TAFA4: variants seen among roughly 807,000 people sequenced by gnomAD.
TAFA4 encodes TAFA chemokine like family member 4.
Under a neutral mutation model 21.1 loss-of-function variants are expected in TAFA4, and 20 were observed. The observed-to-expected ratio is 0.95, with a 90% CI of 0.67 to 1.38. The LOEUF is 1.38. Ranked by LOEUF, TAFA4 falls within the 40% of genes most tolerant of loss-of-function variation. TAFA4 has a pLI of 0.00. For synonymous variants in TAFA4, 71 were observed against 67.4 expected (o/e 1.05, Z -0.26); for missense variants, 211 against 180.9 (o/e 1.17, Z -0.95).
chr3:68,903,863 CA>C (rs2089869706), intron 1 of TAFA4, among the ~76,000 whole-genome samples: 1 of 152,114 alleles, frequency 6.6e-6, no homozygotes, highest in African/African-American at 2.4e-5. Context: ...TCAGAGGTGA[CA>C]AAACTATACC....
intron 3 of TAFA4, among the ~76,000 whole-genome samples, chr3:68,845,900 T>G (rs11718866): frequency 0.32 from 48,548 of 152,104 alleles, 8,136 homozygotes; most frequent in Non-Finnish European, 0.37. Context: ...AGTCTGATGG[T>G]CTTCCCTTTG....
intron 3 of TAFA4, among the ~76,000 whole-genome samples, chr3:68,799,764 C>T (rs1703534950): frequency 1.3e-5 from 1 of 78,378 alleles, no homozygotes; most frequent in Admixed American, 1.3e-4. Flanking sequence ...GTGTCTCCAA[C>T]CCCTGGGCCA....
intron 1 of TAFA4, among the ~76,000 whole-genome samples, chr3:68,921,778 G>A (rs1414405221): frequency 1.3e-5 from 2 of 152,218 alleles, no homozygotes; most frequent in Non-Finnish European, 2.9e-5. Flanking sequence ...TATGGAAATT[G>A]AAGCCTTGTT....
rs547066747 is a variant in TAFA4 at position 68,731,843 on chromosome 3, C to T, written c.*1299G>A. The T allele has an allele frequency of 6.6e-6, 1 of 151,300 alleles. No homozygotes were observed. The highest frequency in any genetic ancestry group is 2.1e-4 in the South Asian group (1 of 4,750). The allele number at this position is 151,300 out of a possible 1,614,324, so 9.4% of individuals were successfully genotyped here. On this transcript the variant is annotated 3_prime_UTR_variant, in exon 6 of 6. Transcript: ENST00000295569. ...TCAAAAATTACGCCAACAAATCTTT[C>T]CATTCCTTTCCATTCCCTCTGCAAG...
At chr3:68,811,059 C>A (rs1364382969) in intron 3 of TAFA4, among the ~76,000 whole-genome samples, 1 of 152,192 alleles carries the variant, frequency 6.6e-6, no homozygotes, top group Non-Finnish European at 1.5e-5. Context: ...CCCAGGCAAA[C>A]AGGGTCTGGA....
chr3:68,904,501 G>A (rs1308115881), intron 1 of TAFA4, among the ~76,000 whole-genome samples: 3 of 152,210 alleles, frequency 2.0e-5, no homozygotes, highest in Admixed American at 6.5e-5. Context: ...GTTCATAAAA[G>A]TTTCCCAATT....
Position 68,922,418 on chromosome 3 carries a change from T to C in TAFA4, c.-123+9822A>G, listed in dbSNP as rs73835369. Among the ~76,000 whole-genome samples the C allele has an allele frequency of 3.9e-5, 6 of 152,252 alleles. No homozygotes were observed. The South Asian group carries it at 6.2e-4, about 16-fold the overall frequency. On this transcript the variant is annotated intron_variant, in intron 1 of 5. Transcript: ENST00000295569. ...CCGGTATACCAAACAAGATCGATCA[T>C]GTAAAATCAATTTTTAAAATCCAAC...
intron 3 of TAFA4, among the ~76,000 whole-genome samples, chr3:68,766,513 ATTC>A (rs1490641305): frequency 6.6e-6 from 1 of 151,828 alleles, no homozygotes; most frequent in African/African-American, 2.4e-5. Context: ...ATACAAAAGC[ATTC>A]TTAAATTTTT....
intron 1 of TAFA4, among the ~76,000 whole-genome samples, chr3:68,925,284 A>C (rs2090097452): frequency 6.6e-6 from 1 of 152,176 alleles, no homozygotes; most frequent in South Asian, 2.1e-4. Context: ...CTCTGATGTG[A>C]AGCCGAGTTG....
rs575889045 is a variant in TAFA4 at position 68,908,618 on chromosome 3, C to T, written c.-122-23308G>A. ...CAAAACATTAAGCATGAGTTTAAAACTATAAGTGGACAAACAGTGGAGAGA... is the reference window on the plus strand; with the variant it reads ...CAAAACATTAAGCATGAGTTTAAAATTATAAGTGGACAAACAGTGGAGAGA... On this transcript the variant is annotated intron_variant, in intron 1 of 5. Coordinates refer to ENST00000295569, the MANE Select transcript of TAFA4 (RefSeq NM_182522.5). Among the ~76,000 whole-genome samples, 8 of 152,046 alleles carry T rather than the reference C, an allele frequency of 5.3e-5. No homozygotes were observed. In the South Asian group the frequency reaches 1.2e-3, roughly 24 times the overall value.
intron 3 of TAFA4, among the ~76,000 whole-genome samples, chr3:68,860,840 A>G (rs1170495031): frequency 1.3e-5 from 2 of 152,124 alleles, no homozygotes; most frequent in Admixed American, 6.6e-5. Flanking sequence ...CCCTAACCCA[A>G]TAAGCTAAAT....
chr3:68,789,868 A>T (rs920595697), intron 3 of TAFA4, among the ~76,000 whole-genome samples: 3 of 152,142 alleles, frequency 2.0e-5, no homozygotes, highest in Admixed American at 1.3e-4. Context: ...GTAACCTCTC[A>T]CCTCTAAAAT....
intron 3 of TAFA4, among the ~76,000 whole-genome samples, chr3:68,793,300 G>A (rs1703397451): frequency 6.6e-6 from 1 of 152,082 alleles, no homozygotes; most frequent in Non-Finnish European, 1.5e-5. Flanking sequence ...CAAGCAGACT[G>A]AAAAATTAAA....
At chr3:68,888,684 G>A (rs1216508774) in intron 1 of TAFA4, among the ~76,000 whole-genome samples, 1 of 152,030 alleles carries the variant, frequency 6.6e-6, no homozygotes, top group Admixed American at 6.6e-5. Context: ...ATCTGGTGAG[G>A]GCCTTCTTGC....
chr3:68,885,565 AG>A (rs1374573884), intron 1 of TAFA4, among the ~76,000 whole-genome samples: 2 of 152,220 alleles, frequency 1.3e-5, no homozygotes, highest in Non-Finnish European at 1.5e-5. Flanking sequence ...TGCAGCAGGA[AG>A]GGTATTCAAA....
intron 3 of TAFA4, among the ~76,000 whole-genome samples, chr3:68,846,209 G>A (rs181015634): frequency 2.7e-4 from 41 of 151,826 alleles, no homozygotes; most frequent in East Asian, 5.9e-4. Flanking sequence ...GGCTTTGTTC[G>A]TTCCTTTTCA....
At chr3:68,916,100 T>C (rs1357603673) in intron 1 of TAFA4, 3 of 152,240 alleles carry the variant, frequency 2.0e-5, no homozygotes, top group Admixed American at 2.0e-4. Flanking sequence ...TGTGGAATGC[T>C]GTTTAAGAAA....
intron 3 of TAFA4, among the ~76,000 whole-genome samples, chr3:68,823,851 A>G (rs1248179895): frequency 6.6e-6 from 1 of 152,228 alleles, no homozygotes; most frequent in African/African-American, 2.4e-5. Flanking sequence ...TGGTACATAT[A>G]CAAGATCTTT....
intron 5 of TAFA4, 70 bp from the exon 6 acceptor site, chr3:68,733,223 G>A: frequency 6.4e-7 from 1 of 1,567,952 alleles, no homozygotes; most frequent in Non-Finnish European, 8.7e-7. Context: ...CTGCCCCCGA[G>A]ACCAATAAGG....
Sources: gnomAD v4.1 joint callset for allele counts (sites outside exome capture counted in the v4.1 genomes callset) on GRCh38, gnomAD v4.1.1 for gene constraint, MANE v1.5 for transcripts, NCBI Gene and HGNC (gene_info 2026-07-23, HGNC 2026-07-21) for gene names.